The following RSPH14 variants were observed in gnomAD, a reference collection of about 807,000 sequenced individuals.
The protein encoded by RSPH14 is radial spoke head 14 homolog, also known as rhabdoid tumor deletion region gene 1.
A neutral mutation model predicts 26.7 loss-of-function variants in RSPH14; 20 were observed. That is an observed-to-expected ratio of 0.75 (90% confidence interval 0.53 to 1.09). RSPH14 has a LOEUF of 1.09. Ranked by LOEUF, RSPH14 falls within the 50% of genes least tolerant of loss-of-function variation. RSPH14 has a pLI of 0.00. For synonymous variants in RSPH14, 177 were observed against 189.3 expected (o/e 0.93, Z 0.53); for missense variants, 449 against 457.2 (o/e 0.98, Z 0.16).
At chr22:23,113,559 C>T (rs2069720594) in intron 4 of RSPH14, among the ~76,000 whole-genome samples, 1 of 152,248 alleles carries the variant, frequency 6.6e-6, no homozygotes, top group Admixed American at 6.5e-5. Flanking sequence ...AGCGAATAAG[C>T]TATTTCCTTT....
chr22:23,074,041 G>C (rs898656410), intron 4 of RSPH14, among the ~76,000 whole-genome samples: 2 of 152,214 alleles, frequency 1.3e-5, no homozygotes, highest in African/African-American at 4.8e-5. Flanking sequence ...CTGGCCCCTG[G>C]AGGCCCCACC....
At chr22:23,141,508 C>G (rs781427971) in intron 1 of RSPH14, among the ~76,000 whole-genome samples, 4 of 152,138 alleles carry the variant, frequency 2.6e-5, no homozygotes, top group Non-Finnish European at 5.9e-5. Flanking sequence ...GAGATGATAA[C>G]AGTACCTCCT....
intron 4 of RSPH14, among the ~76,000 whole-genome samples, chr22:23,121,882 C>T (rs1035173183): frequency 1.3e-4 from 19 of 151,586 alleles, no homozygotes; most frequent in African/African-American, 4.6e-4. Flanking sequence ...CCACCATGCC[C>T]AGCTAATTTT....
At chr22:23,152,724 G>A in the RSPH14 span, among the ~76,000 whole-genome samples, 17 of 152,316 alleles carry the variant, frequency 1.1e-4, no homozygotes, top group South Asian at 1.2e-3. Context: ...AAATTGTGGC[G>A]TCCCAGGAGC....
At chr22:23,124,363 TA>T (rs2070117229) in intron 4 of RSPH14, 1 of 460,240 alleles carries the variant, frequency 2.2e-6, no homozygotes, top group Non-Finnish European at 4.5e-6. Context: ...TTGCTGAGTG[TA>T]AAAGTTGTTA....
At chr22:23,171,855 C>CA in the RSPH14 span, among the ~76,000 whole-genome samples, 146 of 25,068 alleles carry the variant, frequency 5.8e-3, 3 homozygotes, top group Middle Eastern at 0.059. Flanking sequence ...AAAAAAAAAA[C>CA]AAAAAAAAAA....
intron 4 of RSPH14, among the ~76,000 whole-genome samples, chr22:23,084,062 G>A (rs535328872): frequency 3.3e-5 from 5 of 152,278 alleles, no homozygotes; most frequent in Admixed American, 3.3e-4. Flanking sequence ...CTATGCAGGC[G>A]ATCTTTCCCC....
chr22:23,145,290 A>T, upstream of RSPH14: 2 of 777,108 alleles, frequency 2.6e-6, no homozygotes, highest in Non-Finnish European at 3.8e-6. Flanking sequence ...TGTCATGGTG[A>T]TCTCCGGCTC....
At chr22:23,156,052 G>A in the RSPH14 span, 28 of 1,604,766 alleles carry the variant, frequency 1.7e-5, no homozygotes, top group East Asian at 4.5e-5. Context: ...ATGCCACGTC[G>A]GGGCTCAACT....
At chr22:23,175,767 GCCTCCAGCTT>G in the RSPH14 span, among the ~76,000 whole-genome samples, 22 of 152,328 alleles carry the variant, frequency 1.4e-4, no homozygotes, top group African/African-American at 4.8e-4. Context: ...GGCCCATCCA[GCCTCCAGCTT>G]CTGCAGCCAA....
intron 4 of RSPH14, among the ~76,000 whole-genome samples, chr22:23,130,133 A>C (rs1697460482): frequency 9.6e-6 from 1 of 104,562 alleles, no homozygotes; most frequent in Non-Finnish European, 2.1e-5. Context: ...GAAAGAAAGA[A>C]AGAAAGAAAG....
chr22:23,095,732 GC>G, intron 4 of RSPH14: 1 of 1,611,794 alleles, frequency 6.2e-7, no homozygotes, highest in Non-Finnish European at 8.5e-7. Context: ...AAAAGAAGCA[GC>G]CCGGCGGTCC....
At chr22:23,158,518 GC>G in the RSPH14 span, among the ~76,000 whole-genome samples, 1 of 152,194 alleles carries the variant, frequency 6.6e-6, no homozygotes, top group African/African-American at 2.4e-5. Context: ...AGCTACTAGA[GC>G]AAAGCCCTCT....
At chr22:23,156,009 C>T in the RSPH14 span, 2 of 1,612,862 alleles carry the variant, frequency 1.2e-6, no homozygotes, top group African/African-American at 1.3e-5. Context: ...TGCATCGCAT[C>T]TGCCTACTAC....
chr22:23,116,142 C>T (rs923629198), intron 4 of RSPH14, among the ~76,000 whole-genome samples: 2 of 152,262 alleles, frequency 1.3e-5, no homozygotes, highest in Admixed American at 1.3e-4. Context: ...AGCCTTGCTT[C>T]GTGAAGCTGC....
intron 4 of RSPH14, among the ~76,000 whole-genome samples, chr22:23,077,565 G>T (rs773603778): frequency 6.6e-6 from 1 of 152,160 alleles, no homozygotes; most frequent in East Asian, 1.9e-4. Flanking sequence ...GTGCTAAACC[G>T]TGTGGTTTCA....
At chr22:23,064,279 G>A (rs1402934338) in intron 4 of RSPH14, 146 bp from the exon 5 acceptor site, 21 of 709,728 alleles carry the variant, frequency 3.0e-5, no homozygotes, top group East Asian at 1.6e-4. Flanking sequence ...CCACACACAC[G>A]TCCCGCCTGG....
At chr22:23,126,032 C>T (rs1046174919) in intron 4 of RSPH14, among the ~76,000 whole-genome samples, 20 of 152,248 alleles carry the variant, frequency 1.3e-4, no homozygotes, top group Non-Finnish European at 2.9e-4. Flanking sequence ...CACCTTCCTA[C>T]GTCACCAAAC....
intron 4 of RSPH14, among the ~76,000 whole-genome samples, chr22:23,094,835 G>A (rs941138454): frequency 6.6e-6 from 1 of 152,238 alleles, no homozygotes; most frequent in Admixed American, 6.5e-5. Context: ...TCCCAGGGCT[G>A]GGCCGAGGCC....
Sources: gnomAD v4.1 joint callset for allele counts (sites outside exome capture counted in the v4.1 genomes callset) on GRCh38, gnomAD v4.1.1 for gene constraint, MANE v1.5 for transcripts, NCBI Gene and HGNC (gene_info 2026-07-23, HGNC 2026-07-21) for gene names.